The following ARL15 variants were observed in gnomAD, a reference collection of about 807,000 sequenced individuals.
The protein encoded by ARL15 is ARF like GTPase 15, also known as ADP-ribosylation factor-like protein 15.
A neutral mutation model predicts 25.2 loss-of-function variants in ARL15; 19 were observed. The observed-to-expected ratio is 0.75, with a 90% CI of 0.53 to 1.10. The LOEUF is 1.10. Ranked by LOEUF, ARL15 falls within the 50% of genes least tolerant of loss-of-function variation. The probability of loss-of-function intolerance (pLI) is 0.00; values close to 1 mark genes in which losing one functional copy is unlikely to be tolerated. For synonymous variants in ARL15, 94 were observed against 86.8 expected, an observed-to-expected ratio of 1.08 and a Z score of -0.46; for missense variants, 220 against 246.0, an observed-to-expected ratio of 0.89 and a Z score of 0.71.
intron 4 of ARL15, among the ~76,000 whole-genome samples, chr5:53,954,097 A>G (rs969035312): frequency 5.4e-5 from 1 of 18,616 alleles, no homozygotes; most frequent in African/African-American, 1.6e-4. Context: ...CTTCTACTTA[A>G]AAAAAAAAAA....
At chr5:54,083,995 C>T (rs888204659) in intron 4 of ARL15, among the ~76,000 whole-genome samples, 1 of 152,152 alleles carries the variant, frequency 6.6e-6, no homozygotes, top group Non-Finnish European at 1.5e-5. Flanking sequence ...GTAATCCCCA[C>T]ACTGCCAGCG....
intron 1 of ARL15, among the ~76,000 whole-genome samples, chr5:54,215,550 C>T (rs1029467622): frequency 1.4e-5 from 2 of 146,118 alleles, no homozygotes; most frequent in African/African-American, 5.0e-5. Context: ...TCTGAGAACT[C>T]GAAGCAATTT....
intron 4 of ARL15, among the ~76,000 whole-genome samples, chr5:54,042,648 G>A (rs1418680215): frequency 6.6e-6 from 1 of 152,164 alleles, no homozygotes; most frequent in Non-Finnish European, 1.5e-5. Context: ...TAATACAGCT[G>A]ATGCTATTAA....
intron 4 of ARL15, among the ~76,000 whole-genome samples, chr5:54,088,701 T>C (rs995243969): frequency 1.3e-5 from 2 of 152,218 alleles, no homozygotes; most frequent in Non-Finnish European, 2.9e-5. Flanking sequence ...TATAATTTGT[T>C]GTTTACATGG....
chr5:53,934,452 C>T (rs1190104811), intron 4 of ARL15, among the ~76,000 whole-genome samples: 1 of 151,852 alleles, frequency 6.6e-6, no homozygotes, highest in African/African-American at 2.4e-5. Flanking sequence ...AAATAGAAAC[C>T]TGGCTACGCA....
At chr5:53,992,313 A>G (rs935950960) in intron 4 of ARL15, among the ~76,000 whole-genome samples, 4 of 149,040 alleles carry the variant, frequency 2.7e-5, no homozygotes, top group Non-Finnish European at 4.5e-5. Flanking sequence ...AGTTTAAATA[A>G]AGACAAGTAG....
intron 1 of ARL15, among the ~76,000 whole-genome samples, chr5:54,269,216 T>C (rs1393668567): frequency 6.6e-6 from 1 of 151,852 alleles, no homozygotes; most frequent in Admixed American, 6.6e-5. Context: ...AAACTTAAAG[T>C]ATAATAAGAA....
intron 4 of ARL15, among the ~76,000 whole-genome samples, chr5:53,950,683 T>C (rs1428390155): frequency 6.6e-6 from 1 of 152,212 alleles, no homozygotes; most frequent in East Asian, 1.9e-4. Flanking sequence ...GCTTTTTTTT[T>C]TCTCAGCAAA....
Position 54,189,708 on chromosome 5 carries a change from T to A in ARL15, c.49-17780A>T, listed in dbSNP as rs1222596664. On this transcript the variant is annotated intron_variant, in intron 1 of 4. Coordinates refer to ENST00000504924, the MANE Select transcript of ARL15 (RefSeq NM_019087.3). Reference sequence around the variant, plus strand: ...TAAAAAACATAGAAACATAGAAAGTTTTTTCTTAGAAAAAAACACAGGGCA... The same window carrying A: ...TAAAAAACATAGAAACATAGAAAGTATTTTCTTAGAAAAAAACACAGGGCA... 2.0e-5 allele frequency among the ~76,000 whole-genome samples: 3 copies of A among 152,080 alleles called. No homozygotes were observed. In the East Asian group the frequency reaches 5.8e-4, roughly 29 times the overall value.
chr5:54,289,165 G>A (rs912974190), intron 1 of ARL15, among the ~76,000 whole-genome samples: 3 of 152,162 alleles, frequency 2.0e-5, no homozygotes, highest in Non-Finnish European at 2.9e-5. Flanking sequence ...AAGCACCAAT[G>A]AACTTTGTAT....
At chr5:54,028,939 C>A (rs775811773) in intron 4 of ARL15, among the ~76,000 whole-genome samples, 2 of 152,004 alleles carry the variant, frequency 1.3e-5, no homozygotes, top group Non-Finnish European at 2.9e-5. Context: ...GGAGGATGGC[C>A]TTAGCCTAGG....
At chr5:54,073,569 A>G (rs1751487934) in intron 4 of ARL15, among the ~76,000 whole-genome samples, 1 of 152,102 alleles carries the variant, frequency 6.6e-6, no homozygotes, top group Admixed American at 6.5e-5. Flanking sequence ...ATGGAGTAGT[A>G]AACAATATAA....
At chr5:53,944,326 C>A (rs537113357) in intron 4 of ARL15, among the ~76,000 whole-genome samples, 3 of 152,016 alleles carry the variant, frequency 2.0e-5, no homozygotes, top group Non-Finnish European at 4.4e-5. Flanking sequence ...AAAGAAATGA[C>A]CTGGCCGGGC....
At chr5:54,001,381 A>G (rs1247057197) in intron 4 of ARL15, among the ~76,000 whole-genome samples, 3 of 152,196 alleles carry the variant, frequency 2.0e-5, no homozygotes, top group African/African-American at 7.2e-5. Context: ...TGTAAAGTCA[A>G]TACCCCACTC....
chr5:54,229,293 CTTCTCTAGCAGT>C, intron 1 of ARL15, among the ~76,000 whole-genome samples: 1 of 152,240 alleles, frequency 6.6e-6, no homozygotes, highest in African/African-American at 2.4e-5. Context: ...TTTTTGTTTT[CTTCTCTAGCAGT>C]TACAACATGC....
intron 4 of ARL15, among the ~76,000 whole-genome samples, chr5:54,054,183 T>A (rs987119109): frequency 6.6e-6 from 1 of 152,214 alleles, no homozygotes; most frequent in Non-Finnish European, 1.5e-5. Context: ...CCCACCTAAA[T>A]AAATCACTAT....
intron 1 of ARL15, among the ~76,000 whole-genome samples, chr5:54,258,881 A>G (rs1229507476): frequency 6.6e-6 from 1 of 152,232 alleles, no homozygotes; most frequent in Admixed American, 6.5e-5. Flanking sequence ...TGGGGAGAAC[A>G]TGATGCCAGA....
At chr5:54,265,010 A>G (rs1407571051) in intron 1 of ARL15, among the ~76,000 whole-genome samples, 1 of 152,168 alleles carries the variant, frequency 6.6e-6, no homozygotes, top group East Asian at 1.9e-4. Flanking sequence ...CTCAAGTACC[A>G]TGCCATAGTT....
chr5:54,183,993 C>T (rs1278969596), intron 1 of ARL15, among the ~76,000 whole-genome samples: 2 of 92,216 alleles, frequency 2.2e-5, no homozygotes, highest in Non-Finnish European at 4.2e-5. Context: ...AGTAAACTAT[C>T]GCAAGAACAA....
Sources: gnomAD v4.1 joint callset for allele counts (sites outside exome capture counted in the v4.1 genomes callset) on GRCh38, gnomAD v4.1.1 for gene constraint, MANE v1.5 for transcripts, NCBI Gene and HGNC (gene_info 2026-07-23, HGNC 2026-07-21) for gene names.